Variants in TRAPPC10 observed in about 807,000 individuals in gnomAD.
TRAPPC10 encodes TRAPP 130 kDa subunit.
TRAPPC10 carries 23 observed loss-of-function variants against 125.5 expected under a neutral mutation model. The ratio of observed to expected loss-of-function variants is 0.18; its 90% CI spans 0.13 to 0.26. The LOEUF (loss-of-function observed/expected upper bound fraction) is 0.26, where lower values mean the gene tolerates loss of function less well. Ranked by LOEUF, TRAPPC10 falls within the 10% of genes least tolerant of loss-of-function variation. The pLI is 1.00. For synonymous variants in TRAPPC10, 509 were observed against 518.0 expected (o/e 0.98, Z 0.24); for missense variants, 1,123 against 1,308.4 (o/e 0.86, Z 2.19).
intron 17 of TRAPPC10, 27 bp from the exon 18 acceptor site, chr21:44,089,806 G>T (rs765429651): frequency 1.9e-5 from 30 of 1,591,876 alleles, no homozygotes; most frequent in Non-Finnish European, 2.2e-5. Context: ...CGAGTGGTCT[G>T]AGAGTGTCTT....
intron 17 of TRAPPC10, chr21:44,089,496 C>A (rs1177611152): frequency 4.2e-6 from 2 of 473,226 alleles, no homozygotes; most frequent in Non-Finnish European, 4.2e-6. Flanking sequence ...CACATTGCAA[C>A]ATGCATGGCT....
At chr21:44,062,837 AC>A in intron 6 of TRAPPC10, 1 of 985,462 alleles carries the variant, frequency 1.0e-6, no homozygotes. Flanking sequence ...ACTGGTTATG[AC>A]ACCTCTCTGT....
In TRAPPC10 at chr21:44,063,026, C is replaced by T; in HGVS notation, c.791-512C>T. The T allele has an allele frequency of 7.7e-7, 1 of 1,304,302 alleles. No individual in the cohort carries two copies. The highest frequency in any genetic ancestry group is 1.5e-5 in the African/African-American group (1 of 65,966). The allele number at this position is 1,304,302 out of a possible 1,614,324, so 80.8% of individuals were successfully genotyped here. A position where few individuals can be genotyped will look rare whatever the true frequency, so the allele number is the denominator to read the frequency against. On this transcript the variant is annotated intron_variant, in intron 6 of 22. Transcript: ENST00000291574. The surrounding 1 kb of genome is among the most constrained non-coding windows in gnomAD (Gnocchi z 4.4). Reference sequence around the variant, plus strand: ...TTCTTTTTCCTTCTATGTGCTGCTACCAAGTCCTCCCTGTCCCTTCCTCCA... The same window carrying T: ...TTCTTTTTCCTTCTATGTGCTGCTATCAAGTCCTCCCTGTCCCTTCCTCCA...
Position 44,047,565 on chromosome 21 carries a change from T to TGTGTGTGTGTGCGCGC in TRAPPC10, c.286-4714_286-4713insTGTGTGTGTGCGCGCG, listed in dbSNP as rs954810521. Among the ~76,000 whole-genome samples the TGTGTGTGTGTGCGCGC allele has an allele frequency of 1.7e-4, 25 of 147,184 alleles. 1 individual carries two copies. Among genetic ancestry groups the TGTGTGTGTGTGCGCGC allele is most frequent in the South Asian group, 6.5e-4 (3 of 4,588 alleles). On this transcript the variant is annotated intron_variant, in intron 3 of 22. Coordinates refer to ENST00000291574, the MANE Select transcript of TRAPPC10 (RefSeq NM_003274.5). ...GTGTGTGTGTGTGTGTGTGTGTGTG[T>TGTGTGTGTGTGCGCGC]GCGCGCACACGCTACATGAAGTTCC...
intron 2 of TRAPPC10, 59 bp from the exon 3 acceptor site, chr21:44,037,733 C>T: frequency 1.3e-6 from 2 of 1,565,818 alleles, no homozygotes; most frequent in Admixed American, 1.8e-5. Flanking sequence ...TTCTATTTCC[C>T]CTCTTCTGAT....
At position 44,061,126 on chromosome 21, in the gene TRAPPC10, T is replaced by A. The variant is rs552492418; in HGVS notation, c.790+1912T>A. The stretch of plus-strand genomic sequence containing the variant: ...CTAATTTATTTATTTATTTTAATTT[T>A]AATTTAATTTAATTTTATTTTATTT... On this transcript the variant is annotated intron_variant, in intron 6 of 22. Coordinates refer to ENST00000291574, the MANE Select transcript of TRAPPC10 (RefSeq NM_003274.5). Among the ~76,000 whole-genome samples, 9 of 151,940 alleles carry A rather than the reference T, an allele frequency of 5.9e-5. No homozygotes were observed. The South Asian group carries it at 1.2e-3, about 21-fold the overall frequency.
intron 7 of TRAPPC10, among the ~76,000 whole-genome samples, chr21:44,071,250 T>C (rs1014223523): frequency 2.6e-5 from 4 of 152,210 alleles, no homozygotes; most frequent in Admixed American, 6.5e-5. Context: ...AAAAGGGACT[T>C]GAGAGAACCT....
At chr21:44,077,889 A>G (rs2037403906) in intron 11 of TRAPPC10, 105 bp downstream of exon 11, 1 of 806,460 alleles carries the variant, frequency 1.2e-6, no homozygotes, top group Non-Finnish European at 1.9e-6. Flanking sequence ...TGTAGACTGA[A>G]AAGTGTAGAT....
intron 17 of TRAPPC10, chr21:44,089,401 A>G: frequency 2.6e-6 from 1 of 379,802 alleles, no homozygotes; most frequent in Non-Finnish European, 5.4e-6. Flanking sequence ...AAATGCTTAG[A>G]TAATTCATTA....
Position 44,059,336 on chromosome 21 carries a change from C to T in TRAPPC10, c.790+122C>T. On this transcript the variant is annotated intron_variant, in intron 6 of 22. Transcript: ENST00000291574. The surrounding 1 kb of genome is among the most constrained non-coding windows in gnomAD (Gnocchi z 4.4). ...CGCATGTTTTGTTGTTGTCTTTATACACATTATATCGGATATATTCTCGTG... is the reference window on the plus strand; with the variant it reads ...CGCATGTTTTGTTGTTGTCTTTATATACATTATATCGGATATATTCTCGTG... The T allele has an allele frequency of 1.4e-6, 1 of 694,538 alleles. No individual in the cohort carries two copies. Among genetic ancestry groups the T allele is most frequent in the Non-Finnish European group, 2.6e-6 (1 of 392,038 alleles). 43.0% of individuals were successfully genotyped at this position (694,538 alleles called of 1,614,324 possible). A position where few individuals can be genotyped will look rare whatever the true frequency, so the allele number is the denominator to read the frequency against.
chr21:44,019,497 A>G (rs1458208954), intron 1 of TRAPPC10, among the ~76,000 whole-genome samples: 1 of 152,220 alleles, frequency 6.6e-6, no homozygotes, highest in Non-Finnish European at 1.5e-5. Context: ...AATGTCAAAT[A>G]TAGTCACAGT....
At chr21:44,049,208 G>GTACA (rs2035067331) in intron 3 of TRAPPC10, among the ~76,000 whole-genome samples, 1 of 152,138 alleles carries the variant, frequency 6.6e-6, no homozygotes, top group African/African-American at 2.4e-5. Flanking sequence ...TCTGTATTTC[G>GTACA]TGTGTAGCTG....
intron 5 of TRAPPC10, among the ~76,000 whole-genome samples, chr21:44,058,163 G>T (rs1409522249): frequency 6.6e-6 from 1 of 152,232 alleles, no homozygotes; most frequent in African/African-American, 2.4e-5. Flanking sequence ...GGCAGAGATG[G>T]TGTGGGGTGC....
rs2031215441 is a variant in TRAPPC10 at position 44,012,498 on chromosome 21, A to G, written c.5A>G (p.Asp2Gly). Residue 2 changes from aspartate (D) to glycine (G), a missense_variant, in exon 1 of 23, where the codon GAC becomes GGC. Physicochemically the swap from Asp to Gly is moderately conservative, Grantham distance 94. This residue lies in a region of TRAPPC10 where 177 missense variants were observed against 228.9 expected (regional missense o/e 0.77). Coordinates refer to ENST00000291574, the MANE Select transcript of TRAPPC10 (RefSeq NM_003274.5). Reference protein sequence around the residue: MDASEEPLPPVI... With the variant: MGASEEPLPPVI... ...GGCCGGTGACGCCGGACGCCCATGG[A>G]CGCCTCTGAGGAGCCGCTGCCGCCG... 1.4e-5 allele frequency: 21 copies of G among 1,517,274 alleles called. No individual in the cohort carries two copies. Among genetic ancestry groups the G allele is most frequent in the Admixed American group, 4.1e-5 (2 of 49,048 alleles). 94.0% of individuals were successfully genotyped at this position (1,517,274 alleles called of 1,614,324 possible). A position where few individuals can be genotyped will look rare whatever the true frequency, so the allele number is the denominator to read the frequency against.
chr21:44,079,474 G>A, intron 11 of TRAPPC10, 90 bp from the exon 12 acceptor site: 1 of 1,460,294 alleles, frequency 6.8e-7, no homozygotes, highest in East Asian at 2.4e-5. Context: ...ATGGGGTCTG[G>A]AGGATGGAGG....
chr21:44,020,568 A>G (rs956767343), intron 1 of TRAPPC10, among the ~76,000 whole-genome samples: 3 of 151,986 alleles, frequency 2.0e-5, no homozygotes, highest in Non-Finnish European at 4.4e-5. Flanking sequence ...CAGGAATTTG[A>G]GGCTGCGGTG....
chr21:44,091,573 G>T (rs963236793), intron 18 of TRAPPC10, among the ~76,000 whole-genome samples: 2 of 152,102 alleles, frequency 1.3e-5, no homozygotes, highest in African/African-American at 4.8e-5. Context: ...CCGAGCAGCT[G>T]GGATTACAGA....
chr21:44,062,486 C>A, intron 6 of TRAPPC10: 2 of 949,150 alleles, frequency 2.1e-6, no homozygotes, highest in Non-Finnish European at 1.3e-6. Flanking sequence ...CCTGTGGGGG[C>A]GGCACTGGCA....
At chr21:44,022,062 T>TCATGGTATTTTTTAATTACAC (rs2032565371) in intron 1 of TRAPPC10, among the ~76,000 whole-genome samples, 1 of 151,734 alleles carries the variant, frequency 6.6e-6, no homozygotes, top group Non-Finnish European at 1.5e-5. Context: ...TTTTTTTCTT[T>TCATGGTATTTTTTAATTACAC]CATGGTATTT....
Sources: allele counts gnomAD v4.1 joint callset (sites outside exome capture counted in the v4.1 genomes callset), GRCh38; gene constraint gnomAD v4.1.1; regional missense constraint gnomAD v4.1.1; non-coding constraint Gnocchi (gnomAD v3.1); transcripts MANE v1.5; gene names NCBI Gene and HGNC (gene_info 2026-07-23, HGNC 2026-07-21).